The following DLC1 variants were observed in gnomAD, a reference collection of about 807,000 sequenced individuals.
DLC1 encodes the protein rho GTPase-activating protein 7.
In DLC1, 54 loss-of-function variants were observed where a neutral mutation model predicts 140.3. The observed-to-expected ratio is 0.38, with a 90% CI of 0.31 to 0.48. DLC1 has a LOEUF of 0.48. DLC1 is among the 20% of genes least tolerant of loss of function. DLC1 has a pLI of 0.96. For synonymous variants in DLC1, 986 were observed against 728.1 expected (o/e 1.35, Z -5.70); for missense variants, 2,536 against 1,907.0 (o/e 1.33, Z -6.14).
At chr8:13,144,562 G>A (rs142637338) in intron 5 of DLC1, among the ~76,000 whole-genome samples, 7 of 152,210 alleles carry the variant, frequency 4.6e-5, no homozygotes, top group East Asian at 1.9e-4. Flanking sequence ...TCAGGAGATC[G>A]AGAACATCCT....
At chr8:13,298,010 T>A (rs1402033452) in intron 5 of DLC1, among the ~76,000 whole-genome samples, 1 of 152,200 alleles carries the variant, frequency 6.6e-6, no homozygotes, top group Non-Finnish European at 1.5e-5. Flanking sequence ...AATAAAATTA[T>A]GAAAATTCTG....
intron 2 of DLC1, among the ~76,000 whole-genome samples, chr8:13,412,703 G>A (rs1055940574): frequency 3.9e-5 from 6 of 151,986 alleles, no homozygotes; most frequent in Admixed American, 1.3e-4. Flanking sequence ...GGAGGCCGAG[G>A]TGGGCGAATC....
intron 4 of DLC1, among the ~76,000 whole-genome samples, chr8:13,318,197 AT>A (rs3988459): frequency 0.094 from 12,865 of 136,158 alleles, 531 homozygotes; most frequent in South Asian, 0.11. Context: ...GCTAATTAAA[AT>A]TTTTTTTTTT....
chr8:13,229,709 T>A (rs1042390346), intron 5 of DLC1, among the ~76,000 whole-genome samples: 2 of 152,086 alleles, frequency 1.3e-5, no homozygotes, highest in Non-Finnish European at 2.9e-5. Context: ...CTAAATTGTA[T>A]GTGACATTTC....
chr8:13,582,316 A>G lies in DLC1; in HGVS notation c.-126+22221T>C, dbSNP rs573936197. 7.5e-4 allele frequency among the ~76,000 whole-genome samples: 115 copies of G among 152,328 alleles called. 6 individuals are homozygous for G. The South Asian group carries it at 0.019, about 25-fold the overall frequency. On this transcript the variant is annotated intron_variant, in intron 1 of 1. Coordinates refer to the DLC1 transcript ENST00000631382. ...ATGGTATAGGTACATGTGATGGTTA[A>G]TACTAAATGTCAACTTGATTGGATC... is the stretch of plus-strand genomic sequence containing the variant.
In DLC1 at chr8:13,086,366, G is replaced by C. The variant is rs945085126; in HGVS notation, c.4390C>G (p.Leu1464Val). ...APVVGVRVNVLLSRYLIEPCG... is the reference protein window; with the variant it reads ...APVVGVRVNVVLSRYLIEPCG... Reference sequence around the variant, plus strand: ...GGTTCAATCAAATACCTGGACAAGAGCACATTAACCCTCACACCCACCACA... The same window carrying C: ...GGTTCAATCAAATACCTGGACAAGACCACATTAACCCTCACACCCACCACA... Residue 1464 changes from leucine (L) to valine (V), a missense_variant, in exon 17 of 18, where the codon CTC (leucine) becomes GTC (valine). Leu to Val is a conservative substitution (Grantham distance 32). Transcript: ENST00000276297. The C allele has an allele frequency of 2.5e-6, 4 of 1,614,208 alleles. No homozygotes were observed. Among genetic ancestry groups the C allele is most frequent in the Non-Finnish European group, 3.4e-6 (4 of 1,180,038 alleles).
intron 2 of DLC1, among the ~76,000 whole-genome samples, chr8:13,451,172 T>C (rs1366541649): frequency 1.3e-5 from 2 of 151,994 alleles, no homozygotes; most frequent in African/African-American, 4.8e-5. Flanking sequence ...TAAAGGTCTT[T>C]TGCCTGGCTT....
Position 13,110,469 on chromosome 8 carries a change from C to G in DLC1, c.1502+273G>C, listed in dbSNP as rs192092198. Reference sequence around the variant, plus strand: ...AACCTTAATCCACGTTTCCAAACCACCTGAGAGTTGTTACTTGTTACACCA... The same window carrying G: ...AACCTTAATCCACGTTTCCAAACCAGCTGAGAGTTGTTACTTGTTACACCA... On this transcript the variant is annotated intron_variant, in intron 7 of 17. Transcript: ENST00000276297. Among the ~76,000 whole-genome samples, 149 of 152,244 alleles carry G rather than the reference C, an allele frequency of 9.8e-4. 3 individuals carry two copies. The South Asian group carries it at 0.011, about 11-fold the overall frequency.
intron 4 of DLC1, among the ~76,000 whole-genome samples, chr8:13,384,459 T>G (rs1836422435): frequency 6.6e-6 from 1 of 152,220 alleles, no homozygotes; most frequent in African/African-American, 2.4e-5. Flanking sequence ...CTTTGATATA[T>G]CCACGAAATG....
intron 1 of DLC1, among the ~76,000 whole-genome samples, chr8:13,532,209 G>T (rs375832730): frequency 3.3e-4 from 50 of 152,248 alleles, no homozygotes; most frequent in African/African-American, 1.2e-3. Flanking sequence ...CGTTGAGGTT[G>T]CAGTGAGCTG....
chr8:13,435,248 T>C (rs920315532), intron 2 of DLC1, among the ~76,000 whole-genome samples: 5 of 152,176 alleles, frequency 3.3e-5, no homozygotes, highest in Non-Finnish European at 7.4e-5. Context: ...GAATTAGAAG[T>C]GGGGCTTAAA....
intron 2 of DLC1, among the ~76,000 whole-genome samples, chr8:13,452,546 A>T (rs994819269): frequency 2.6e-5 from 4 of 152,220 alleles, no homozygotes; most frequent in African/African-American, 9.6e-5. Context: ...CTATCATAGA[A>T]CTATCAGAAG....
intron 1 of DLC1, among the ~76,000 whole-genome samples, chr8:13,526,062 C>A (rs1802914060): frequency 1.3e-5 from 2 of 152,028 alleles, no homozygotes; most frequent in African/African-American, 4.8e-5. Flanking sequence ...GTTCCAAAAC[C>A]ATTTGTGACA....
chr8:13,261,442 T>C (rs561367479), intron 5 of DLC1, among the ~76,000 whole-genome samples: 2 of 152,020 alleles, frequency 1.3e-5, no homozygotes, highest in African/African-American at 4.8e-5. Context: ...GATTTTATTG[T>C]GTGAGGGAAA....
intron 5 of DLC1, among the ~76,000 whole-genome samples, chr8:13,170,952 C>G (rs1166651732): frequency 6.6e-6 from 1 of 152,112 alleles, no homozygotes; most frequent in Non-Finnish European, 1.5e-5. Context: ...CCTCAAGAGA[C>G]CACTTTGCGA....
intron 3 of DLC1, among the ~76,000 whole-genome samples, chr8:13,395,848 T>G (rs1454299124): frequency 2.7e-5 from 4 of 147,318 alleles, no homozygotes; most frequent in Admixed American, 2.7e-4. Flanking sequence ...TTCTTCTTCT[T>G]CTTCTTTGTT....
chr8:13,504,942 A>G (rs375845122), intron 1 of DLC1, among the ~76,000 whole-genome samples: 54 of 152,174 alleles, frequency 3.5e-4, no homozygotes, highest in African/African-American at 1.3e-3. Context: ...GTGGTCAATC[A>G]TTTCACATAA....
At position 13,401,638 on chromosome 8, in the gene DLC1, T is replaced by C. The variant is rs766061536; in HGVS notation, c.1024-19A>G. 6.2e-7 allele frequency: 1 copy of C among 1,600,828 alleles called. No homozygotes were observed. The highest frequency in any genetic ancestry group is 2.2e-5 in the East Asian group (1 of 44,744). On this transcript the variant is annotated intron_variant, in intron 2 of 17. Coordinates refer to ENST00000276297, the MANE Select transcript of DLC1 (RefSeq NM_182643.3). ...TTATTTCCTGAGGAACAGAACATTTTGTTACTGAATCTGAAAGGCCATTTC... is the reference window on the plus strand; with the variant it reads ...TTATTTCCTGAGGAACAGAACATTTCGTTACTGAATCTGAAAGGCCATTTC...
At chr8:13,512,426 G>A (rs1224632887) in intron 1 of DLC1, among the ~76,000 whole-genome samples, 1 of 152,120 alleles carries the variant, frequency 6.6e-6, no homozygotes, top group Non-Finnish European at 1.5e-5. Context: ...ATACCACGTT[G>A]TTCAGACATT....
Sources: gnomAD v4.1 joint callset for allele counts (sites outside exome capture counted in the v4.1 genomes callset) on GRCh38, gnomAD v4.1.1 for gene constraint, MANE v1.5 for transcripts, NCBI Gene and HGNC (gene_info 2026-07-23, HGNC 2026-07-21) for gene names.